RNF220: variants seen among roughly 807,000 people sequenced by gnomAD.
RNF220 encodes E3 ubiquitin-protein ligase RNF220.
RNF220 carries 7 observed loss-of-function variants against 67.1 expected under a neutral mutation model. The ratio of observed to expected loss-of-function variants is 0.10; its 90% CI spans 0.06 to 0.20. The LOEUF (loss-of-function observed/expected upper bound fraction) is 0.20. Ranked by LOEUF, RNF220 falls within the 10% of genes least tolerant of loss-of-function variation. The pLI is 1.00. For missense variants in RNF220, 565 were observed against 740.3 expected (o/e 0.76, Z 2.75); for synonymous variants, 270 against 283.2 (o/e 0.95, Z 0.47).
chr1:44,632,446 T>G, intron 6 of RNF220, 61 bp downstream of exon 6: 2 of 1,114,314 alleles, frequency 1.8e-6, no homozygotes, highest in Non-Finnish European at 2.3e-6. Flanking sequence ...CCTCCCTCAC[T>G]GCCTGCCGCT....
chr1:44,583,215 G>GATATATATATATATATATATATATATAT (rs35343175), intron 2 of RNF220, among the ~76,000 whole-genome samples: 15 of 149,044 alleles, frequency 1.0e-4, no homozygotes, highest in African/African-American at 3.5e-4. Flanking sequence ...TCCAGAAGCA[G>GATATATATATATATATATATATATATAT]ATATATATAT....
chr1:44,639,536 C>T (rs1002269280), intron 8 of RNF220, among the ~76,000 whole-genome samples: 1 of 152,202 alleles, frequency 6.6e-6, no homozygotes, highest in Admixed American at 6.5e-5. Context: ...GCGGTGACTG[C>T]GTTGCTAAAA....
At chr1:44,646,026 TG>T (rs1644635761) in intron 12 of RNF220, among the ~76,000 whole-genome samples, 1 of 152,138 alleles carries the variant, frequency 6.6e-6, no homozygotes, top group South Asian at 2.1e-4. Context: ...CACAAAGATT[TG>T]GTATCAGCTG....
chr1:44,612,640 A>T (rs1643363452), intron 2 of RNF220, among the ~76,000 whole-genome samples: 1 of 152,228 alleles, frequency 6.6e-6, no homozygotes, highest in Admixed American at 6.5e-5. Context: ...GCATATAAAA[A>T]TATGGGACAT....
In RNF220 at chr1:44,632,400, G is replaced by GCCCCGGC; in HGVS notation, c.949+19_949+20insGGCCCCC. 1 of 1,607,448 alleles carries GCCCCGGC rather than the reference G, an allele frequency of 6.2e-7. No individual in the cohort carries two copies. ...CCGACTGAATGGTGAGTCCTGCCCG[G>GCCCCGGC]CCCCTCCCTCCGCCCCACCCCCGGC... On this transcript the variant is annotated intron_variant, in intron 6 of 14. Transcript: ENST00000361799.
At chr1:44,632,189 G>T in intron 5 of RNF220, 154 bp from the exon 6 acceptor site, 2 of 1,583,536 alleles carry the variant, frequency 1.3e-6, no homozygotes, top group East Asian at 2.3e-5. Flanking sequence ...AGGAGCAGAG[G>T]GGCCGGCGGG....
At chr1:44,632,020 G>A (rs1644149665) in intron 5 of RNF220, 2 of 1,045,932 alleles carry the variant, frequency 1.9e-6, no homozygotes, top group Non-Finnish European at 2.3e-6. Flanking sequence ...GCCGCCGCCG[G>A]GCAGCCACGG....
intron 2 of RNF220, among the ~76,000 whole-genome samples, chr1:44,546,452 ATAT>A (rs1428890170): frequency 6.6e-6 from 1 of 152,124 alleles, no homozygotes; most frequent in East Asian, 1.9e-4. Context: ...CCCCTATATA[ATAT>A]TCCACGTTAG....
chr1:44,614,061 G>T, intron 2 of RNF220, 104 bp from the exon 3 acceptor site: 1 of 1,504,004 alleles, frequency 6.6e-7, no homozygotes, highest in Non-Finnish European at 9.1e-7. Flanking sequence ...AGGCCAAGAA[G>T]CCCTAGAGGG....
At chr1:44,482,867 T>G (rs1295701494) in intron 2 of RNF220, among the ~76,000 whole-genome samples, 2 of 149,884 alleles carry the variant, frequency 1.3e-5, no homozygotes. Context: ...GTGATCTACC[T>G]GCCTCGGCCT....
chr1:44,511,305 A>C (rs1658973184), intron 2 of RNF220, among the ~76,000 whole-genome samples: 1 of 152,226 alleles, frequency 6.6e-6, no homozygotes, highest in South Asian at 2.1e-4. Flanking sequence ...GCCTGCGGGC[A>C]AGAAGTTGAA....
At chr1:44,430,201 G>C (rs1156739430) in intron 2 of RNF220, among the ~76,000 whole-genome samples, 1 of 152,102 alleles carries the variant, frequency 6.6e-6, no homozygotes, top group Non-Finnish European at 1.5e-5. Flanking sequence ...TGACTAGGTA[G>C]GAAGAAGCGA....
At chr1:44,428,446 CTG>C (rs1411748370) in intron 2 of RNF220, among the ~76,000 whole-genome samples, 5 of 152,134 alleles carry the variant, frequency 3.3e-5, no homozygotes, top group African/African-American at 9.7e-5. Flanking sequence ...ATGCTTAAGA[CTG>C]TGTTTTCCCC....
At chr1:44,510,635 G>A (rs1292185868) in intron 2 of RNF220, among the ~76,000 whole-genome samples, 2 of 152,056 alleles carry the variant, frequency 1.3e-5, no homozygotes, top group South Asian at 2.1e-4. Context: ...TTTGTCTTCC[G>A]GTTACACTTT....
intron 2 of RNF220, among the ~76,000 whole-genome samples, chr1:44,514,165 G>A (rs1260306629): frequency 6.6e-6 from 1 of 152,176 alleles, no homozygotes; most frequent in African/African-American, 2.4e-5. Context: ...AGCTCTTTGA[G>A]TGCAGGACCC....
intron 2 of RNF220, among the ~76,000 whole-genome samples, chr1:44,525,064 G>T (rs557562668): frequency 6.6e-6 from 1 of 152,320 alleles, no homozygotes; most frequent in South Asian, 2.1e-4. Context: ...TTCTCTGTGG[G>T]TTTCACTGGA....
intron 2 of RNF220, among the ~76,000 whole-genome samples, chr1:44,547,915 C>T (rs1282757837): frequency 6.6e-6 from 1 of 152,208 alleles, no homozygotes; most frequent in African/African-American, 2.4e-5. Context: ...CATCTACCTA[C>T]TGCATACTGA....
chr1:44,587,531 C>T (rs1665795842), intron 2 of RNF220, among the ~76,000 whole-genome samples: 1 of 152,124 alleles, frequency 6.6e-6, no homozygotes, highest in African/African-American at 2.4e-5. Flanking sequence ...GGGGAACATT[C>T]CCGCCCCCTC....
intron 2 of RNF220, among the ~76,000 whole-genome samples, chr1:44,519,478 C>T (rs1023541938): frequency 6.6e-6 from 1 of 152,190 alleles, no homozygotes; most frequent in Non-Finnish European, 1.5e-5. Flanking sequence ...ACCCCAGTTG[C>T]ATCCTGAGGA....
Sources: gnomAD v4.1 joint callset for allele counts (sites outside exome capture counted in the v4.1 genomes callset) on GRCh38, gnomAD v4.1.1 for gene constraint, MANE v1.5 for transcripts, NCBI Gene and HGNC (gene_info 2026-07-23, HGNC 2026-07-21) for gene names.